ADAM23: variants seen among roughly 807,000 people sequenced by gnomAD.
ADAM23 encodes the protein disintegrin and metalloproteinase domain-containing protein 23.
ADAM23 carries 33 observed loss-of-function variants against 120.1 expected under a neutral mutation model. That is an observed-to-expected ratio of 0.27 (90% confidence interval 0.21 to 0.37). ADAM23 has a LOEUF of 0.37. Among genes scored for constraint, ADAM23 ranks in the 10% least tolerant of loss-of-function variants. The pLI is 1.00. For missense variants in ADAM23, 862 were observed against 1,058.2 expected (o/e 0.81, Z 2.57); for synonymous variants, 367 against 375.2 (o/e 0.98, Z 0.25).
intron 9 of ADAM23, among the ~76,000 whole-genome samples, chr2:206,553,932 AT>A (rs1559261596): frequency 6.6e-6 from 1 of 151,824 alleles, no homozygotes; most frequent in Non-Finnish European, 1.5e-5. Context: ...TTCTAATCTT[AT>A]TTTTTTTCAA....
intron 2 of ADAM23, among the ~76,000 whole-genome samples, chr2:206,455,869 A>G (rs1051703558): frequency 2.0e-5 from 3 of 152,148 alleles, no homozygotes; most frequent in Non-Finnish European, 2.9e-5. Flanking sequence ...TGCTGTCCAT[A>G]TCACTATCAG....
intron 3 of ADAM23, among the ~76,000 whole-genome samples, chr2:206,488,081 C>T (rs1696054793): frequency 2.0e-5 from 3 of 152,232 alleles, no homozygotes; most frequent in Admixed American, 2.0e-4. Context: ...AAAAGCAGTT[C>T]ACGCTGTGTT....
chr2:206,599,998 G>A (rs570478970), intron 24 of ADAM23, among the ~76,000 whole-genome samples: 15 of 152,114 alleles, frequency 9.9e-5, no homozygotes, highest in African/African-American at 1.2e-4. Flanking sequence ...TCAGGAGATC[G>A]AGACCATCCT....
chr2:206,508,133 C>T (rs1033720741), intron 3 of ADAM23, among the ~76,000 whole-genome samples: 1 of 152,092 alleles, frequency 6.6e-6, no homozygotes, highest in Non-Finnish European at 1.5e-5. Context: ...AGGTTCACGC[C>T]ATTCTCCTGC....
intron 24 of ADAM23, among the ~76,000 whole-genome samples, chr2:206,597,582 C>T (rs1031685958): frequency 1.4e-4 from 21 of 152,130 alleles, no homozygotes; most frequent in Admixed American, 4.6e-4. Flanking sequence ...ACCCATCAGT[C>T]ACAAACAGGC....
chr2:206,584,832 C>T (rs1698290429), intron 18 of ADAM23, among the ~76,000 whole-genome samples: 1 of 152,156 alleles, frequency 6.6e-6, no homozygotes, highest in Admixed American at 6.5e-5. Context: ...ACCCCCTGCT[C>T]CTCTGGCCAC....
chr2:206,475,146 T>C (rs1695750301), intron 2 of ADAM23, among the ~76,000 whole-genome samples: 2 of 152,226 alleles, frequency 1.3e-5, no homozygotes, highest in African/African-American at 4.8e-5. Flanking sequence ...GCTGTACCAA[T>C]TGCATGGGGT....
intron 21 of ADAM23, among the ~76,000 whole-genome samples, chr2:206,590,839 A>G (rs1254265221): frequency 6.6e-6 from 1 of 152,184 alleles, no homozygotes; most frequent in Admixed American, 6.5e-5. Context: ...ATGGGATTGG[A>G]CATCTTGAAT....
chr2:206,598,403 T>G (rs1447269805), intron 24 of ADAM23, among the ~76,000 whole-genome samples: 1 of 152,144 alleles, frequency 6.6e-6, no homozygotes. Flanking sequence ...TTTGGAGGCA[T>G]TAAGTAAAGA....
At chr2:206,472,457 A>C (rs115010805) in intron 2 of ADAM23, among the ~76,000 whole-genome samples, 13 of 151,876 alleles carry the variant, frequency 8.6e-5, no homozygotes, top group South Asian at 2.1e-4. Context: ...TAAAAAAAAA[A>C]CAAAAATTAG....
At chr2:206,575,821 G>A (rs1010461002) in intron 18 of ADAM23, among the ~76,000 whole-genome samples, 2 of 152,106 alleles carry the variant, frequency 1.3e-5, no homozygotes, top group Non-Finnish European at 2.9e-5. Flanking sequence ...GAACTGTGGC[G>A]GAATGCCTAG....
rs769646217 is a variant in ADAM23 at position 206,548,365 on chromosome 2, C to T, written c.867+11C>T. Reference sequence around the variant, plus strand: ...AAGAGAGCAGTGAATGTGAGTGTGGCATTGAGCCTTGGGTGGGCCTATTTT... The same window carrying T: ...AAGAGAGCAGTGAATGTGAGTGTGGTATTGAGCCTTGGGTGGGCCTATTTT... On this transcript the variant is annotated intron_variant, in intron 8 of 25. Transcript: ENST00000264377. The T allele has an allele frequency of 6.2e-7, 1 of 1,605,960 alleles. No individual in the cohort carries two copies.
At chr2:206,574,939 G>A (rs181800786) in intron 18 of ADAM23, among the ~76,000 whole-genome samples, 9 of 152,300 alleles carry the variant, frequency 5.9e-5, no homozygotes, top group Admixed American at 1.3e-4. Context: ...AAGCACTGCT[G>A]TAAATGCTGG....
intron 2 of ADAM23, among the ~76,000 whole-genome samples, chr2:206,477,129 G>C (rs1695790794): frequency 1.3e-5 from 2 of 152,132 alleles, no homozygotes; most frequent in Non-Finnish European, 1.5e-5. Flanking sequence ...AGTTGAGCAT[G>C]TATGATTGCT....
chr2:206,443,849 G>T lies in ADAM23; in HGVS notation c.-18G>T, dbSNP rs866894011. 1 of 1,109,722 alleles carries T rather than the reference G, an allele frequency of 9.0e-7. No homozygotes were observed. Among genetic ancestry groups the T allele is most frequent in the Non-Finnish European group, 1.1e-6 (1 of 911,518 alleles). The allele number at this position is 1,109,722 out of a possible 1,614,324, so 68.7% of individuals were successfully genotyped here. On this transcript the variant is annotated 5_prime_UTR_variant, in exon 1 of 26. Coordinates refer to ENST00000264377, the MANE Select transcript of ADAM23 (RefSeq NM_003812.4). ...GCTCTCGCCGGCCACACGGAGCGGC[G>T]CCCGGGAGCTATGAGCCATGAAGCC...
intron 24 of ADAM23, among the ~76,000 whole-genome samples, chr2:206,604,923 C>A (rs1270926925): frequency 6.6e-6 from 1 of 152,152 alleles, no homozygotes; most frequent in Non-Finnish European, 1.5e-5. Context: ...TATGTATGTC[C>A]ACACACTTGT....
intron 18 of ADAM23, among the ~76,000 whole-genome samples, chr2:206,580,067 G>A (rs906528085): frequency 1.3e-5 from 2 of 151,940 alleles, no homozygotes; most frequent in Non-Finnish European, 2.9e-5. Context: ...CATTAATCTT[G>A]TATCTGGAAA....
intron 2 of ADAM23, among the ~76,000 whole-genome samples, chr2:206,469,171 T>G (rs62195940): frequency 0.11 from 16,346 of 152,182 alleles, 972 homozygotes; most frequent in Middle Eastern, 0.15. Flanking sequence ...TTTAAAGGAT[T>G]TATTCTTTAT....
intron 18 of ADAM23, among the ~76,000 whole-genome samples, chr2:206,586,457 AAGAGTG>A (rs1698323948): frequency 6.6e-6 from 1 of 152,012 alleles, no homozygotes; most frequent in African/African-American, 2.4e-5. Context: ...TAGATGGAGG[AAGAGTG>A]AGAGAGGAGG....
Sources: gnomAD v4.1 joint callset for allele counts (sites outside exome capture counted in the v4.1 genomes callset) on GRCh38, gnomAD v4.1.1 for gene constraint, MANE v1.5 for transcripts, NCBI Gene and HGNC (gene_info 2026-07-23, HGNC 2026-07-21) for gene names.